PPARGC1A: variants seen among roughly 807,000 people sequenced by gnomAD.
The protein encoded by PPARGC1A is PPARG coactivator 1 alpha, also known as peroxisome proliferator-activated receptor gamma coactivator 1-alpha.
PPARGC1A carries 25 observed loss-of-function variants against 88.7 expected under a neutral mutation model. The ratio of observed to expected loss-of-function variants is 0.28; its 90% CI spans 0.21 to 0.39. The LOEUF (loss-of-function observed/expected upper bound fraction) is 0.39, where lower values mean the gene tolerates loss of function less well. Ranked by LOEUF, PPARGC1A falls within the 10% of genes least tolerant of loss-of-function variation. The probability of loss-of-function intolerance (pLI) is 1.00; values close to 1 mark genes in which losing one functional copy is unlikely to be tolerated. For missense variants in PPARGC1A, 880 were observed against 968.7 expected (o/e 0.91, Z 1.22); for synonymous variants, 363 against 355.6 (o/e 1.02, Z -0.24).
chr4:23,998,166 G>A, the PPARGC1A span, among the ~76,000 whole-genome samples: 1 of 152,176 alleles, frequency 6.6e-6, no homozygotes, highest in African/African-American at 2.4e-5. Context: ...TATCAGAGAA[G>A]GGAATTCAAA....
chr4:23,924,279 G>T, the PPARGC1A span, among the ~76,000 whole-genome samples: 1 of 152,016 alleles, frequency 6.6e-6, no homozygotes, highest in Non-Finnish European at 1.5e-5. Context: ...CCCTTTTTTG[G>T]GGGGACTGTC....
intron 10 of PPARGC1A, among the ~76,000 whole-genome samples, chr4:23,805,803 G>A (rs1260921377): frequency 6.6e-6 from 1 of 152,074 alleles, no homozygotes; most frequent in Non-Finnish European, 1.5e-5. Context: ...GCAGAAGTGA[G>A]AGAAAGAAAT....
chr4:24,241,569 G>C, the PPARGC1A span, among the ~76,000 whole-genome samples: 1 of 152,144 alleles, frequency 6.6e-6, no homozygotes, highest in African/African-American at 2.4e-5. Flanking sequence ...TTAATGTGGG[G>C]GTTTTCCATT....
the PPARGC1A span, among the ~76,000 whole-genome samples, chr4:24,220,355 C>G: frequency 6.6e-6 from 1 of 152,234 alleles, no homozygotes; most frequent in African/African-American, 2.4e-5. Flanking sequence ...CCATTCGGCC[C>G]AGCAATCCCA....
the PPARGC1A span, among the ~76,000 whole-genome samples, chr4:24,139,262 T>A: frequency 5.3e-3 from 804 of 152,134 alleles, 5 homozygotes; most frequent in African/African-American, 0.018. Context: ...GCCTCCCAAG[T>A]AGCTGGGACT....
chr4:24,302,243 A>G, the PPARGC1A span, among the ~76,000 whole-genome samples: 1 of 152,352 alleles, frequency 6.6e-6, no homozygotes, highest in African/African-American at 2.4e-5. Context: ...TGGCTGCATA[A>G]CTGTTTACAA....
At chr4:24,064,782 G>A in the PPARGC1A span, among the ~76,000 whole-genome samples, 1 of 152,006 alleles carries the variant, frequency 6.6e-6, no homozygotes, top group East Asian at 1.9e-4. Context: ...TGTTTTTAAT[G>A]CCAATATGTG....
chr4:23,872,448 G>A (rs759563754), intron 2 of PPARGC1A, among the ~76,000 whole-genome samples: 2 of 152,110 alleles, frequency 1.3e-5, no homozygotes, highest in Non-Finnish European at 2.9e-5. Context: ...CATTTGTTGG[G>A]GCAGTGGGAC....
the PPARGC1A span, among the ~76,000 whole-genome samples, chr4:23,987,707 T>G: frequency 6.6e-6 from 1 of 151,994 alleles, no homozygotes; most frequent in South Asian, 2.1e-4. Context: ...ATTTCTCCAC[T>G]CAATTAGAAG....
At chr4:24,016,260 A>G in the PPARGC1A span, among the ~76,000 whole-genome samples, 8 of 152,204 alleles carry the variant, frequency 5.3e-5, no homozygotes, top group African/African-American at 1.9e-4. Context: ...TTGAACATTT[A>G]CTGAGAAATT....
chr4:24,184,944 A>G, the PPARGC1A span, among the ~76,000 whole-genome samples: 5 of 152,046 alleles, frequency 3.3e-5, no homozygotes, highest in South Asian at 8.3e-4. Context: ...GGTGTGTCCT[A>G]CTCCTATCCT....
chr4:24,316,312 G>A, the PPARGC1A span, among the ~76,000 whole-genome samples: 67 of 152,296 alleles, frequency 4.4e-4, no homozygotes, highest in African/African-American at 1.6e-3. Flanking sequence ...CAGCTCACAA[G>A]CTGCTGGCTC....
chr4:24,395,772 G>A, the PPARGC1A span, among the ~76,000 whole-genome samples: 1 of 152,142 alleles, frequency 6.6e-6, no homozygotes, highest in Admixed American at 6.6e-5. Context: ...TGAGGTTCAG[G>A]GAGGACACAG....
the PPARGC1A span, among the ~76,000 whole-genome samples, chr4:24,437,476 C>T: frequency 4.9e-4 from 74 of 152,208 alleles, no homozygotes; most frequent in East Asian, 7.9e-3. Context: ...CATGAGTAGC[C>T]GGACACAGTG....
At chr4:24,065,852 ACAGAGGAACCCC>A in the PPARGC1A span, among the ~76,000 whole-genome samples, 23 of 152,290 alleles carry the variant, frequency 1.5e-4, no homozygotes, top group Non-Finnish European at 2.2e-4. Context: ...TCACACAGTT[ACAGAGGAACCCC>A]CTGTGCTGTG....
chr4:24,043,317 C>A, the PPARGC1A span, among the ~76,000 whole-genome samples: 2 of 152,252 alleles, frequency 1.3e-5, no homozygotes, highest in South Asian at 4.2e-4. Flanking sequence ...CCCCTTCCAA[C>A]TCAACTTGTT....
At chr4:24,348,637 G>A in the PPARGC1A span, among the ~76,000 whole-genome samples, 3 of 152,138 alleles carry the variant, frequency 2.0e-5, no homozygotes, top group African/African-American at 7.2e-5. Context: ...CTAGAAGTGT[G>A]TCCAAAGTTT....
upstream of PPARGC1A, among the ~76,000 whole-genome samples, chr4:23,893,323 T>A (rs1299330685): frequency 6.6e-6 from 1 of 152,176 alleles, no homozygotes; most frequent in East Asian, 1.9e-4. Flanking sequence ...TGCCCATTTC[T>A]AAAAATTAGA....
the PPARGC1A span, among the ~76,000 whole-genome samples, chr4:24,145,310 C>T: frequency 1.3e-5 from 2 of 152,170 alleles, no homozygotes; most frequent in African/African-American, 4.8e-5. Flanking sequence ...GCACTTGTAA[C>T]CCTCATAGCA....
Sources: allele counts gnomAD v4.1 joint callset (sites outside exome capture counted in the v4.1 genomes callset), GRCh38; gene constraint gnomAD v4.1.1; transcripts MANE v1.5; gene names NCBI Gene and HGNC (gene_info 2026-07-23, HGNC 2026-07-21).